The following NHSL2 variants were observed in gnomAD, a reference collection of about 807,000 sequenced individuals.
NHSL2 encodes the protein NHS-like protein 2.
NHSL2 carries 27 observed loss-of-function variants against 53.4 expected under a neutral mutation model. The observed-to-expected ratio is 0.51, with a 90% CI of 0.37 to 0.70. The LOEUF (loss-of-function observed/expected upper bound fraction) is 0.70, where lower values mean the gene tolerates loss of function less well. Among genes scored for constraint, NHSL2 ranks in the 30% least tolerant of loss-of-function variants. The pLI, the probability that NHSL2 is intolerant of heterozygous loss-of-function variation, is 0.00. For missense variants in NHSL2, 892 were observed against 980.1 expected, an observed-to-expected ratio of 0.91 and a Z score of 1.20; for synonymous variants, 408 against 404.1, an observed-to-expected ratio of 1.01 and a Z score of -0.12.
chrX:71,915,315 A>T (rs990179078), intron 1 of NHSL2, among the ~76,000 whole-genome samples: 1 of 111,436 alleles, frequency 9.0e-6, no homozygotes, highest in Admixed American at 9.5e-5. Context: ...GGAGAGTGGT[A>T]TATTTACATC....
intron 1 of NHSL2, among the ~76,000 whole-genome samples, chrX:72,053,796 G>A (rs2042353730): frequency 9.0e-6 from 1 of 111,291 alleles, no homozygotes; most frequent in Admixed American, 9.6e-5. Context: ...CCTCATTTTG[G>A]GGTCCACTCC....
chrX:72,063,395 G>A (rs1158352171), intron 1 of NHSL2, among the ~76,000 whole-genome samples: 1 of 111,641 alleles, frequency 9.0e-6, no homozygotes, highest in Non-Finnish European at 1.9e-5. Context: ...CTTTGTATGG[G>A]CAATTAACAT....
At chrX:71,949,522 G>T (rs187097914) in intron 1 of NHSL2, among the ~76,000 whole-genome samples, 1 of 111,511 alleles carries the variant, frequency 9.0e-6, no homozygotes, top group Non-Finnish European at 1.9e-5. Context: ...GTCGGGGAGT[G>T]AGCCGATTTG....
Position 71,911,068 on chromosome X carries a change from C to A in NHSL2, c.-20C>A. The A allele has an allele frequency of 1.0e-6, 1 of 991,633 alleles. No individual in the cohort carries two copies. The allele number at this position is 991,633 out of a possible 1,213,427, so 81.7% of individuals were successfully genotyped here. A position where few individuals can be genotyped will look rare whatever the true frequency, so the allele number is the denominator to read the frequency against. On this transcript the variant is annotated 5_prime_UTR_variant, in exon 1 of 8. Coordinates refer to ENST00000633930, the MANE Select transcript of NHSL2 (RefSeq NM_001013627.3). ...GCCGCGCCGCCAGACTGGTCCCCTG[C>A]GCCCGCGCCCGCGGCCGGGATGCCG...
At chrX:71,919,589 C>T (rs1455523600) in intron 1 of NHSL2, among the ~76,000 whole-genome samples, 2 of 111,759 alleles carry the variant, frequency 1.8e-5, no homozygotes, top group Non-Finnish European at 3.8e-5. Flanking sequence ...CGCATCTAGC[C>T]TTTGAGGCTG....
rs1201648571 is a variant in NHSL2 at position 72,140,296 on chromosome X, C to G, written c.2748C>G (p.Leu916=). The G allele has an allele frequency of 2.5e-6, 3 of 1,208,803 alleles. No individual in the cohort carries two copies. Among genetic ancestry groups the G allele is most frequent in the Non-Finnish European group, 3.4e-6 (3 of 894,636 alleles). ...GCTCAATTCAACATGCGAGACCACT[C>G]CCTCAAGACAGCTACACGGTAGTGC... is the stretch of plus-strand genomic sequence containing the variant. ...PRSSIQHARP[L]PQDSYTVVRK... Residue 916 remains leucine, a synonymous_variant, in exon 6 of 8, where the codon CTC becomes CTG. Coordinates refer to ENST00000633930, the MANE Select transcript of NHSL2 (RefSeq NM_001013627.3).
At position 72,138,422 on chromosome X, in the gene NHSL2, C is replaced by T. The variant is rs1445477162; in HGVS notation, c.893-19C>T. 9.0e-7 allele frequency: 1 copy of T among 1,115,871 alleles called. No homozygotes were observed. Among genetic ancestry groups the T allele is most frequent in the South Asian group, 2.2e-5 (1 of 45,628 alleles). The allele number at this position is 1,115,871 out of a possible 1,213,427, so 92.0% of individuals were successfully genotyped here. On this transcript the variant is annotated intron_variant, in intron 5 of 7. Transcript: ENST00000633930. Reference sequence around the variant, plus strand: ...GATCCCTTGCTGTAGCACTCATGTCCTGTGTTTATTTCCTCCAGGTCACAG... The same window carrying T: ...GATCCCTTGCTGTAGCACTCATGTCTTGTGTTTATTTCCTCCAGGTCACAG...
chrX:72,149,498 T>C lies in NHSL2; in HGVS notation c.*5924T>C, dbSNP rs954688955. On this transcript the variant is annotated 3_prime_UTR_variant, in exon 8 of 8. Coordinates refer to ENST00000633930, the MANE Select transcript of NHSL2 (RefSeq NM_001013627.3). ...AGGTGGTCTTGAGCTTTTTCTAACA[T>C]CCAATTTTATAAAATGTTGTGCATG... The C allele has an allele frequency of 8.9e-6, 1 of 112,156 alleles. No homozygotes were observed. The highest frequency in any genetic ancestry group is 3.2e-5 in the African/African-American group (1 of 30,869). 9.2% of individuals were successfully genotyped at this position (112,156 alleles called of 1,213,427 possible).
chrX:71,912,535 C>T (rs1462427038), intron 1 of NHSL2, among the ~76,000 whole-genome samples: 1 of 111,537 alleles, frequency 9.0e-6, no homozygotes, highest in African/African-American at 3.3e-5. Context: ...CCCATCCCCA[C>T]CCCTTCCAGA....
chrX:72,134,130 G>A lies in NHSL2; in HGVS notation c.476G>A (p.Gly159Glu), dbSNP rs1448270543. ...CAGTACTCGGAGGCCAGACTTGTGG[G>A]GCAGACCTTCCGCTCTTCTGATGAG... ...EEQYSEARLV[G>E]QTFRSSDEAT... The change falls in exon 3 of 8, where the codon GGG becomes GAG. Residue 159 changes from glycine to glutamate, a missense_variant. By Grantham distance (98) the Gly-to-Glu change is moderately conservative. Coordinates refer to ENST00000633930, the MANE Select transcript of NHSL2 (RefSeq NM_001013627.3). 2 of 1,165,181 alleles carry A rather than the reference G, an allele frequency of 1.7e-6. No individual in the cohort carries two copies. Among genetic ancestry groups the A allele is most frequent in the Non-Finnish European group, 2.3e-6 (2 of 871,317 alleles).
intron 1 of NHSL2, among the ~76,000 whole-genome samples, chrX:71,941,232 C>A (rs7471388): frequency 9.1e-6 from 1 of 110,109 alleles, no homozygotes; most frequent in Non-Finnish European, 1.9e-5. Context: ...ACTGAAGACC[C>A]TCTCCCTGTC....
intron 1 of NHSL2, among the ~76,000 whole-genome samples, chrX:72,109,539 G>A (rs2042073723): frequency 8.9e-6 from 1 of 111,882 alleles, no homozygotes. Flanking sequence ...GCGCGATCTC[G>A]GCTCACTGCA....
At chrX:72,134,953 T>C (rs767987708) in intron 4 of NHSL2, among the ~76,000 whole-genome samples, 67 of 112,927 alleles carry the variant, frequency 5.9e-4, no homozygotes, top group Non-Finnish European at 1.1e-3. Context: ...CAAAATTTTC[T>C]TAACAGAAAG....
At chrX:72,044,484 C>A in intron 1 of NHSL2, 1 of 489,147 alleles carries the variant, frequency 2.0e-6, no homozygotes, top group Non-Finnish European at 3.5e-6. Context: ...TTTGGGATCC[C>A]ACAGAACTCT....
At chrX:71,987,648 C>T (rs944601252) in intron 1 of NHSL2, among the ~76,000 whole-genome samples, 17 of 112,481 alleles carry the variant, frequency 1.5e-4, no homozygotes, top group Middle Eastern at 4.6e-3. Flanking sequence ...AGGCTTTGTA[C>T]TTTTACTTTT....
chrX:72,025,256 C>T (rs2042179549), intron 1 of NHSL2, among the ~76,000 whole-genome samples: 2 of 112,500 alleles, frequency 1.8e-5, no homozygotes, highest in East Asian at 2.8e-4. Context: ...TTTTCTACCC[C>T]CAAAGATCTC....
At chrX:71,949,383 A>G (rs146558521) in intron 1 of NHSL2, among the ~76,000 whole-genome samples, 2,385 of 110,913 alleles carry the variant, frequency 0.022, 57 homozygotes, top group Admixed American at 0.09. Context: ...ACATTCAGCA[A>G]CAAAGGGTGG....
rs781716940 is a variant in NHSL2, at chrX:71,949,491, G to A, written c.280+38124G>A. 2.4e-4 allele frequency among the ~76,000 whole-genome samples: 27 copies of A among 111,927 alleles called. 1 individual carries two copies. In the Admixed American group the frequency reaches 2.5e-3, roughly 11 times the overall value. ...CCACCCAGCAGGTGAGCACCTCTGAGCTTCCCTGTGGAGTGTTAGGGTCGG... is the reference window on the plus strand; with the variant it reads ...CCACCCAGCAGGTGAGCACCTCTGAACTTCCCTGTGGAGTGTTAGGGTCGG... On this transcript the variant is annotated intron_variant, in intron 1 of 7. Transcript: ENST00000633930.
At chrX:72,081,494 C>T (rs970600090) in intron 1 of NHSL2, among the ~76,000 whole-genome samples, 5 of 112,051 alleles carry the variant, frequency 4.5e-5, no homozygotes, top group Non-Finnish European at 9.4e-5. Flanking sequence ...GGGCCACCCT[C>T]ACCTGGGATG....
Sources: gnomAD v4.1 joint callset for allele counts (sites outside exome capture counted in the v4.1 genomes callset) on GRCh38, gnomAD v4.1.1 for gene constraint, MANE v1.5 for transcripts, NCBI Gene and HGNC (gene_info 2026-07-23, HGNC 2026-07-21) for gene names.